The following SOX5 variants were observed in gnomAD, a reference collection of about 807,000 sequenced individuals.
SOX5 encodes the protein SRY-box transcription factor 5, also known as transcription factor SOX-5.
SOX5 carries 9 observed loss-of-function variants against 92.0 expected under a neutral mutation model. The ratio of observed to expected loss-of-function variants is 0.10; its 90% CI spans 0.06 to 0.17. SOX5 has a LOEUF of 0.17. Among genes scored for constraint, SOX5 ranks in the 10% least tolerant of loss-of-function variants. The pLI is 1.00. For synonymous variants in SOX5, 344 were observed against 336.3 expected (o/e 1.02, Z -0.25); for missense variants, 642 against 944.5 (o/e 0.68, Z 4.20).
At position 24,220,569 on chromosome 12, in the gene SOX5, T is replaced by G. The variant is rs192777121; in HGVS notation, c.-76-7152A>C. The stretch of plus-strand genomic sequence containing the variant: ...GACAAAACATACATAGGTTATATGT[T>G]ATTATTTAAACGGGGCAAAAAAATG... On this transcript the variant is annotated intron_variant, in intron 3 of 4. Transcript: ENST00000446891. Among the ~76,000 whole-genome samples the G allele has an allele frequency of 2.6e-4, 39 of 152,312 alleles. 1 individual carries two copies. The East Asian group carries it at 7.3e-3, about 29-fold the overall frequency.
At chr12:23,664,791 T>C (rs2083550950) in intron 7 of SOX5, among the ~76,000 whole-genome samples, 1 of 152,164 alleles carries the variant, frequency 6.6e-6, no homozygotes. Context: ...GAATGGTGTA[T>C]TAAAAGTTGA....
At chr12:24,511,619 T>C (rs1365040916) in intron 1 of SOX5, among the ~76,000 whole-genome samples, 4 of 152,206 alleles carry the variant, frequency 2.6e-5, no homozygotes, top group African/African-American at 9.7e-5. Context: ...TTTAGGAGGT[T>C]GCTCAATAAA....
intron 2 of SOX5, among the ~76,000 whole-genome samples, chr12:23,892,534 ACAATC>A (rs1049938392): frequency 6.6e-6 from 1 of 152,220 alleles, no homozygotes; most frequent in African/African-American, 2.4e-5. Context: ...AGTGACATAA[ACAATC>A]CAAGTCATTT....
intron 2 of SOX5, among the ~76,000 whole-genome samples, chr12:24,297,394 C>T (rs1332606259): frequency 6.6e-6 from 1 of 152,208 alleles, no homozygotes; most frequent in Non-Finnish European, 1.5e-5. Flanking sequence ...TCTCTTCTTT[C>T]TCCACACAGC....
At chr12:23,647,368 G>C (rs1275064216) in intron 7 of SOX5, among the ~76,000 whole-genome samples, 1 of 152,162 alleles carries the variant, frequency 6.6e-6, no homozygotes, top group Non-Finnish European at 1.5e-5. Flanking sequence ...CACAGGCAAG[G>C]TAGATTTAGC....
intron 4 of SOX5, among the ~76,000 whole-genome samples, chr12:24,044,033 A>G (rs1956774880): frequency 6.6e-6 from 1 of 152,208 alleles, no homozygotes; most frequent in East Asian, 1.9e-4. Context: ...ATATTCAAAT[A>G]AATTGTCATC....
chr12:24,276,840 T>C (rs183973320), intron 3 of SOX5, among the ~76,000 whole-genome samples: 148 of 152,244 alleles, frequency 9.7e-4, no homozygotes, highest in Non-Finnish European at 1.9e-3. Flanking sequence ...GACCTATCCA[T>C]TGCAATCCCA....
intron 12 of SOX5, 123 bp from the exon 13 acceptor site, chr12:23,543,507 TC>T (rs1942517230): frequency 2.9e-6 from 2 of 684,830 alleles, no homozygotes; most frequent in African/African-American, 3.5e-5. Flanking sequence ...TAATGGTACT[TC>T]CAGTTCTTAA....
chr12:24,548,858 T>C (rs7295669), intron 1 of SOX5, among the ~76,000 whole-genome samples: 35,316 of 152,054 alleles, frequency 0.23, 5,359 homozygotes, highest in East Asian at 0.78. Flanking sequence ...AGGCACAAAT[T>C]TTATTGTCCT....
chr12:23,546,912 CA>C (rs1323373943), intron 11 of SOX5, among the ~76,000 whole-genome samples: 1 of 152,254 alleles, frequency 6.6e-6, no homozygotes, highest in African/African-American at 2.4e-5. Flanking sequence ...ATTCCTCATG[CA>C]AGGGTAATGA....
At chr12:24,493,589 G>C (rs1006784724) in intron 1 of SOX5, among the ~76,000 whole-genome samples, 1 of 152,164 alleles carries the variant, frequency 6.6e-6, no homozygotes, top group East Asian at 1.9e-4. Context: ...TTTTGGCCGG[G>C]TGCGGTGGCT....
In SOX5 at chr12:24,457,327, C is replaced by T. The variant is rs116900225; in HGVS notation, c.-250-88688G>A. Among the ~76,000 whole-genome samples the T allele has an allele frequency of 4.5e-3, 687 of 152,190 alleles. 11 individuals carry two copies. The East Asian group carries it at 0.05, about 11-fold the overall frequency. On this transcript the variant is annotated intron_variant, in intron 1 of 4. Coordinates refer to the SOX5 transcript ENST00000446891. ...AATTTTTGTGACTAAACTTCTAAAACCTGTTTTTTTTAAAATATATACGTC... is the reference window on the plus strand; with the variant it reads ...AATTTTTGTGACTAAACTTCTAAAATCTGTTTTTTTTAAAATATATACGTC...
At chr12:24,346,740 C>T (rs867179916) in intron 2 of SOX5, among the ~76,000 whole-genome samples, 2 of 152,044 alleles carry the variant, frequency 1.3e-5, no homozygotes, top group Non-Finnish European at 2.9e-5. Context: ...CATCAGTTAC[C>T]GTGCCTGGCT....
intron 1 of SOX5, among the ~76,000 whole-genome samples, chr12:24,392,951 G>C (rs915839855): frequency 3.3e-5 from 5 of 152,098 alleles, no homozygotes; most frequent in Admixed American, 6.5e-5. Flanking sequence ...TGAGAGCCTA[G>C]AGTCTTCATG....
intron 2 of SOX5, among the ~76,000 whole-genome samples, chr12:24,285,770 T>A (rs1945794980): frequency 6.6e-6 from 1 of 152,226 alleles, no homozygotes; most frequent in Admixed American, 6.5e-5. Context: ...AAATGACTGA[T>A]GTTCAATGGC....
intron 3 of SOX5, among the ~76,000 whole-genome samples, chr12:23,804,455 T>C (rs2095720135): frequency 6.6e-6 from 1 of 152,092 alleles, no homozygotes; most frequent in Non-Finnish European, 1.5e-5. Context: ...GGAACAGAAC[T>C]CTGATCAGAT....
At chr12:24,325,509 G>C (rs1950593920) in intron 2 of SOX5, among the ~76,000 whole-genome samples, 1 of 152,128 alleles carries the variant, frequency 6.6e-6, no homozygotes, top group African/African-American at 2.4e-5. Context: ...CCTTGATTTA[G>C]AAAAGGACGG....
At position 23,654,648 on chromosome 12, in the gene SOX5, C is replaced by T. The variant is rs553765521; in HGVS notation, c.931+10796G>A. ...AACTCTCCTACAGCATCTTGAGCAACCAAGAACAAGTGATTTGCTATACAC... is the reference window on the plus strand; with the variant it reads ...AACTCTCCTACAGCATCTTGAGCAATCAAGAACAAGTGATTTGCTATACAC... On this transcript the variant is annotated intron_variant, in intron 7 of 14. Transcript: ENST00000451604. Among the ~76,000 whole-genome samples the T allele has an allele frequency of 1.4e-4, 21 of 152,030 alleles. No homozygotes were observed. The East Asian group carries it at 2.5e-3, about 18-fold the overall frequency.
At chr12:24,262,528 G>A (rs1942294368) in intron 3 of SOX5, among the ~76,000 whole-genome samples, 2 of 152,120 alleles carry the variant, frequency 1.3e-5, no homozygotes, top group Non-Finnish European at 2.9e-5. Flanking sequence ...AATCTACATG[G>A]GCAAACATTA....
Sources: gnomAD v4.1 joint callset for allele counts (sites outside exome capture counted in the v4.1 genomes callset) on GRCh38, gnomAD v4.1.1 for gene constraint, MANE v1.5 for transcripts, NCBI Gene and HGNC (gene_info 2026-07-23, HGNC 2026-07-21) for gene names.